The following NELL1 variants were observed in gnomAD, a reference collection of about 807,000 sequenced individuals.
NELL1 encodes neural EGFL like 1, also known as protein kinase C-binding protein NELL1.
Under a neutral mutation model 107.4 loss-of-function variants are expected in NELL1, and 76 were observed. The ratio of observed to expected loss-of-function variants is 0.71; its 90% confidence interval spans 0.59 to 0.86. The LOEUF (loss-of-function observed/expected upper bound fraction) is 0.86, where lower values mean the gene tolerates loss of function less well. Ranked by LOEUF, NELL1 falls within the 40% of genes least tolerant of loss-of-function variation. The pLI is 0.00. For missense variants in NELL1, 1,024 were observed against 1,005.5 expected (o/e 1.02, Z -0.25); for synonymous variants, 353 against 341.2 (o/e 1.03, Z -0.38).
chr11:21,304,868 G>A (rs1244092559), intron 14 of NELL1, among the ~76,000 whole-genome samples: 1 of 151,972 alleles, frequency 6.6e-6, no homozygotes, highest in Non-Finnish European at 1.5e-5. Context: ...ACTTTTTAAA[G>A]GAAGATGGGA....
intron 17 of NELL1, among the ~76,000 whole-genome samples, chr11:21,563,304 G>A (rs1472554271): frequency 6.6e-6 from 1 of 151,974 alleles, no homozygotes; most frequent in Non-Finnish European, 1.5e-5. Context: ...CAGCTTATTC[G>A]TTTCTAGGAA....
chr11:21,358,390 GT>G lies in NELL1; in HGVS notation c.1550-12455del, dbSNP rs921858564. 3.3e-5 allele frequency among the ~76,000 whole-genome samples: 5 copies of G among 150,954 alleles called. 2 individuals carry two copies. On this transcript the variant is annotated intron_variant, in intron 14 of 19. Coordinates refer to ENST00000357134, the MANE Select transcript of NELL1 (RefSeq NM_006157.5). ...TGGGGCTAGGTGGTATATTTGTAAGGTTTTTTTTGTTTTGTTTTGTTTTTTT... is the reference window on the plus strand; with the variant it reads ...TGGGGCTAGGTGGTATATTTGTAAGGTTTTTTTGTTTTGTTTTGTTTTTTT...
At chr11:21,120,756 GAAC>G (rs1216250680) in intron 13 of NELL1, among the ~76,000 whole-genome samples, 1 of 152,036 alleles carries the variant, frequency 6.6e-6, no homozygotes, top group Non-Finnish European at 1.5e-5. Flanking sequence ...TTGATATATT[GAAC>G]AAGAAAAGTC....
intron 12 of NELL1, among the ~76,000 whole-genome samples, chr11:21,085,246 TA>T (rs1854362802): frequency 6.6e-6 from 1 of 152,112 alleles, no homozygotes; most frequent in Non-Finnish European, 1.5e-5. Flanking sequence ...AGGTGACAAA[TA>T]AAAAGTGAAT....
At chr11:20,976,446 C>T (rs1000139502) in intron 12 of NELL1, among the ~76,000 whole-genome samples, 6 of 152,098 alleles carry the variant, frequency 3.9e-5, no homozygotes, top group African/African-American at 2.4e-5. Context: ...TATTGAATGC[C>T]TCTTGTTGAA....
intron 14 of NELL1, among the ~76,000 whole-genome samples, chr11:21,350,881 A>T (rs1850794836): frequency 6.6e-6 from 1 of 152,270 alleles, no homozygotes; most frequent in South Asian, 2.1e-4. Flanking sequence ...TGGACCTAAA[A>T]AAATATGTCC....
At chr11:20,974,928 C>T (rs976082404) in intron 12 of NELL1, among the ~76,000 whole-genome samples, 3 of 152,108 alleles carry the variant, frequency 2.0e-5, no homozygotes, top group Non-Finnish European at 4.4e-5. Context: ...AAATCAACTT[C>T]GACAAATTGC....
chr11:20,838,633 G>A (rs1364235920), intron 3 of NELL1, among the ~76,000 whole-genome samples: 1 of 151,906 alleles, frequency 6.6e-6, no homozygotes, highest in Non-Finnish European at 1.5e-5. Flanking sequence ...TTTTCACTGA[G>A]TACCTTTATA....
chr11:20,798,520 CT>C (rs1857219746), intron 3 of NELL1, among the ~76,000 whole-genome samples: 2 of 152,060 alleles, frequency 1.3e-5, no homozygotes, highest in Non-Finnish European at 2.9e-5. Flanking sequence ...AAAAACTCTT[CT>C]TTGACATCCT....
At chr11:21,050,856 A>G (rs10833443) in intron 12 of NELL1, among the ~76,000 whole-genome samples, 58,344 of 151,810 alleles carry the variant, frequency 0.38, 14,147 homozygotes, top group African/African-American at 0.68. Flanking sequence ...GTGTCTCTAT[A>G]GATCTGGGGT....
intron 5 of NELL1, among the ~76,000 whole-genome samples, chr11:20,913,013 T>C (rs1166397103): frequency 6.6e-6 from 1 of 152,174 alleles, no homozygotes; most frequent in Non-Finnish European, 1.5e-5. Context: ...TTATTGATCA[T>C]AATGAAAGTC....
chr11:21,370,715 A>T lies in NELL1; in HGVS notation c.1550-138A>T. 3.3e-6 allele frequency: 2 copies of T among 614,820 alleles called. 1 individual carries two copies. The highest frequency in any genetic ancestry group is 3.9e-5 in the South Asian group (2 of 51,126). 38.1% of individuals were successfully genotyped at this position (614,820 alleles called of 1,614,324 possible). On this transcript the variant is annotated intron_variant, in intron 14 of 19. Coordinates refer to ENST00000357134, the MANE Select transcript of NELL1 (RefSeq NM_006157.5). ...TTATTACATTTATTTCTTTTTCTGT[A>T]TGGAATTTTTAAATGTATCAATACA... is the stretch of plus-strand genomic sequence containing the variant.
At chr11:20,697,126 C>T (rs557196056) in intron 2 of NELL1, among the ~76,000 whole-genome samples, 7 of 152,016 alleles carry the variant, frequency 4.6e-5, no homozygotes, top group African/African-American at 1.7e-4. Context: ...GCGATGGTGC[C>T]GGGAAAAGAA....
chr11:20,831,308 C>G (rs1590333756), intron 3 of NELL1, among the ~76,000 whole-genome samples: 1 of 152,222 alleles, frequency 6.6e-6, no homozygotes, highest in East Asian at 1.9e-4. Flanking sequence ...CAGACCCCAG[C>G]AGACCTTCTG....
At chr11:21,354,754 G>A (rs1850892184) in intron 14 of NELL1, among the ~76,000 whole-genome samples, 1 of 152,172 alleles carries the variant, frequency 6.6e-6, no homozygotes, top group African/African-American at 2.4e-5. Flanking sequence ...ACTGCAGGTT[G>A]GATTCGTATT....
chr11:20,980,255 G>A (rs748013310), intron 12 of NELL1, among the ~76,000 whole-genome samples: 5 of 152,118 alleles, frequency 3.3e-5, no homozygotes, highest in Non-Finnish European at 7.4e-5. Flanking sequence ...TGTGTTGGGT[G>A]CGTTTACGTA....
At chr11:21,557,691 G>A (rs4365047) in intron 16 of NELL1, among the ~76,000 whole-genome samples, 1 of 151,932 alleles carries the variant, frequency 6.6e-6, no homozygotes, top group Non-Finnish European at 1.5e-5. Flanking sequence ...CTTTAAATTA[G>A]ACCCAAGGGC....
At chr11:20,989,997 A>AG (rs66883554) in intron 12 of NELL1, among the ~76,000 whole-genome samples, 2 of 76,524 alleles carry the variant, frequency 2.6e-5, no homozygotes, top group Non-Finnish European at 5.0e-5. Flanking sequence ...ACTCCGTCTC[A>AG]AAAAAAAAAA....
chr11:21,001,555 G>T (rs1268974189), intron 12 of NELL1, among the ~76,000 whole-genome samples: 1 of 151,976 alleles, frequency 6.6e-6, no homozygotes, highest in East Asian at 1.9e-4. Flanking sequence ...TATCCCTGGT[G>T]TGTTATTTGG....
Sources: allele counts gnomAD v4.1 joint callset (sites outside exome capture counted in the v4.1 genomes callset), GRCh38; gene constraint gnomAD v4.1.1; transcripts MANE v1.5; gene names NCBI Gene and HGNC (gene_info 2026-07-23, HGNC 2026-07-21).